Variants in SRD5A2 observed in about 807,000 individuals in gnomAD.
The protein encoded by SRD5A2 is steroid 5 alpha-reductase 2, also known as 3-oxo-5-alpha-steroid 4-dehydrogenase 2.
In SRD5A2, 30 loss-of-function variants were observed where a neutral mutation model predicts 27.4. The observed-to-expected ratio is 1.10, with a 90% CI of 0.82 to 1.49. SRD5A2 has a LOEUF of 1.49. Among genes scored for constraint, SRD5A2 ranks in the 40% most tolerant of loss-of-function variants. The pLI is 0.00. For synonymous variants in SRD5A2, 141 were observed against 133.6 expected (o/e 1.06, Z -0.38); for missense variants, 348 against 323.4 (o/e 1.08, Z -0.58).
At chr2:31,614,487 A>C in the SRD5A2 span, among the ~76,000 whole-genome samples, 1 of 152,162 alleles carries the variant, frequency 6.6e-6, no homozygotes, top group African/African-American at 2.4e-5. Flanking sequence ...ACAGGCTGGC[A>C]TTGAGTGTCT....
intron 2 of SRD5A2, 98 bp downstream of exon 2, chr2:31,533,505 A>G (rs1209001607): frequency 9.8e-6 from 11 of 1,118,876 alleles, no homozygotes; most frequent in Non-Finnish European, 1.3e-5. Context: ...AGATGGGATC[A>G]TTACGAGGTC....
At chr2:31,649,430 A>G in the SRD5A2 span, among the ~76,000 whole-genome samples, 5 of 152,036 alleles carry the variant, frequency 3.3e-5, no homozygotes, top group Non-Finnish European at 7.4e-5. Flanking sequence ...CCATTTTCCC[A>G]AGGAGGAAAC....
chr2:31,639,194 C>T, the SRD5A2 span, among the ~76,000 whole-genome samples: 1 of 152,004 alleles, frequency 6.6e-6, no homozygotes, highest in East Asian at 1.9e-4. Context: ...CAGGCAAAGA[C>T]AAATACACAA....
chr2:31,600,356 T>C, the SRD5A2 span, among the ~76,000 whole-genome samples: 1 of 151,948 alleles, frequency 6.6e-6, no homozygotes, highest in Admixed American at 6.6e-5. Context: ...CTAGTAGTAA[T>C]GAAATTGTCA....
intron 1 of SRD5A2, among the ~76,000 whole-genome samples, chr2:31,541,864 T>C (rs899479622): frequency 6.6e-6 from 1 of 152,152 alleles, no homozygotes. Flanking sequence ...ACTCAGCCAA[T>C]GCCAACACAC....
chr2:31,614,064 C>T, the SRD5A2 span, among the ~76,000 whole-genome samples: 23 of 152,272 alleles, frequency 1.5e-4, no homozygotes, highest in African/African-American at 5.3e-4. Context: ...CTCATGTCCT[C>T]AGGTTTTGAA....
the SRD5A2 span, among the ~76,000 whole-genome samples, chr2:31,643,279 G>A: frequency 1.2e-4 from 19 of 152,194 alleles, no homozygotes; most frequent in East Asian, 3.7e-3. Flanking sequence ...TTCTTGGTTT[G>A]AGCAAATGTA....
chr2:31,637,052 G>A, the SRD5A2 span, among the ~76,000 whole-genome samples: 461 of 152,070 alleles, frequency 3.0e-3, 4 homozygotes, highest in African/African-American at 0.011. Flanking sequence ...ACTGGTATTA[G>A]TTCTTCTTTA....
the SRD5A2 span, among the ~76,000 whole-genome samples, chr2:31,633,035 G>A: frequency 1.3e-5 from 2 of 152,038 alleles, no homozygotes; most frequent in African/African-American, 4.8e-5. Flanking sequence ...CCGGGGTCAG[G>A]AGAAAGGAAA....
chr2:31,551,003 A>G (rs1195469612), intron 1 of SRD5A2, among the ~76,000 whole-genome samples: 2 of 152,064 alleles, frequency 1.3e-5, no homozygotes, highest in Non-Finnish European at 2.9e-5. Flanking sequence ...CACTTCTAAT[A>G]GATTATTTCA....
At chr2:31,591,709 T>G in the SRD5A2 span, among the ~76,000 whole-genome samples, 3 of 143,262 alleles carry the variant, frequency 2.1e-5, no homozygotes, top group African/African-American at 7.9e-5. Context: ...AATGATAGAC[T>G]GGATCAAGAA....
At chr2:31,654,284 C>G in the SRD5A2 span, among the ~76,000 whole-genome samples, 1 of 152,172 alleles carries the variant, frequency 6.6e-6, no homozygotes, top group Non-Finnish European at 1.5e-5. Context: ...TTGCATATCT[C>G]AAAGCACTGG....
At chr2:31,537,443 G>A (rs986243277) in intron 1 of SRD5A2, among the ~76,000 whole-genome samples, 3 of 151,708 alleles carry the variant, frequency 2.0e-5, no homozygotes, top group Admixed American at 2.0e-4. Flanking sequence ...CCAAACCCAA[G>A]AATCAATTTA....
chr2:31,594,694 C>G, the SRD5A2 span, among the ~76,000 whole-genome samples: 1 of 152,076 alleles, frequency 6.6e-6, no homozygotes, highest in African/African-American at 2.4e-5. Context: ...AAACTATACC[C>G]TATAACAAAT....
At chr2:31,632,405 T>A in the SRD5A2 span, among the ~76,000 whole-genome samples, 2 of 152,216 alleles carry the variant, frequency 1.3e-5, no homozygotes, top group Non-Finnish European at 2.9e-5. Context: ...CCCCTGTCCA[T>A]GCCCCTTATG....
intron 4 of SRD5A2, among the ~76,000 whole-genome samples, 176 bp from the exon 5 acceptor site, chr2:31,526,438 G>A (rs1665783259): frequency 6.6e-6 from 1 of 152,176 alleles, no homozygotes; most frequent in Non-Finnish European, 1.5e-5. Context: ...TGTAAATGTT[G>A]AAGCTTCTTT....
the SRD5A2 span, among the ~76,000 whole-genome samples, chr2:31,587,569 TA>T: frequency 5.3e-3 from 805 of 151,950 alleles, 6 homozygotes; most frequent in South Asian, 0.027. Context: ...TATGCAGCCA[TA>T]AAAAAAATGA....
At chr2:31,640,185 T>C in the SRD5A2 span, among the ~76,000 whole-genome samples, 1 of 151,984 alleles carries the variant, frequency 6.6e-6, no homozygotes, top group Non-Finnish European at 1.5e-5. Context: ...TTCTCAGCTG[T>C]GTGTTTTTTT....
intron 1 of SRD5A2, 121 bp downstream of exon 1, chr2:31,580,499 T>A (rs956950788): frequency 2.5e-5 from 31 of 1,262,968 alleles, no homozygotes; most frequent in Non-Finnish European, 2.8e-5. Flanking sequence ...GGCCTCCGCG[T>A]TCCTCACAGC....
Sources: allele counts gnomAD v4.1 joint callset (sites outside exome capture counted in the v4.1 genomes callset), GRCh38; gene constraint gnomAD v4.1.1; transcripts MANE v1.5; gene names NCBI Gene and HGNC (gene_info 2026-07-23, HGNC 2026-07-21).